ADCK1: variants seen among roughly 807,000 people sequenced by gnomAD.
ADCK1 encodes aarF domain-containing protein kinase 1.
Under a neutral mutation model 52.3 loss-of-function variants are expected in ADCK1, and 41 were observed. The ratio of observed to expected loss-of-function variants is 0.78; its 90% confidence interval spans 0.61 to 1.02. The LOEUF is 1.02. Ranked by LOEUF, ADCK1 falls within the 50% of genes least tolerant of loss-of-function variation. The pLI is 0.00. For synonymous variants in ADCK1, 250 were observed against 274.6 expected, an observed-to-expected ratio of 0.91 and a Z score of 0.89; for missense variants, 658 against 679.5, an observed-to-expected ratio of 0.97 and a Z score of 0.35.
At chr14:77,916,627 G>A (rs1595083890) in intron 7 of ADCK1, among the ~76,000 whole-genome samples, 1 of 152,110 alleles carries the variant, frequency 6.6e-6, no homozygotes, top group Non-Finnish European at 1.5e-5. Flanking sequence ...GATAATTTTT[G>A]TATTTCTTAT....
chr14:77,858,213 A>G (rs1178853366), intron 3 of ADCK1, among the ~76,000 whole-genome samples: 1 of 151,930 alleles, frequency 6.6e-6, no homozygotes, highest in Non-Finnish European at 1.5e-5. Context: ...TGTTTTCTAG[A>G]CCTTCCTTTG....
intron 1 of ADCK1, among the ~76,000 whole-genome samples, chr14:77,804,497 C>T (rs1028188513): frequency 6.6e-6 from 1 of 152,036 alleles, no homozygotes; most frequent in Non-Finnish European, 1.5e-5. Flanking sequence ...TTCGCTGTTA[C>T]TTCCCACCCA....
chr14:77,911,309 A>G (rs2083785945), intron 7 of ADCK1, among the ~76,000 whole-genome samples: 1 of 152,152 alleles, frequency 6.6e-6, no homozygotes, highest in Non-Finnish European at 1.5e-5. Context: ...CCTGCCAGGG[A>G]TCTATAGGTT....
chr14:77,833,936 G>A (rs2081909232), intron 3 of ADCK1, among the ~76,000 whole-genome samples: 1 of 152,132 alleles, frequency 6.6e-6, no homozygotes, highest in African/African-American at 2.4e-5. Context: ...TTTAAAAAAT[G>A]TGTAATATTT....
intron 3 of ADCK1, among the ~76,000 whole-genome samples, chr14:77,832,481 C>G (rs1436332450): frequency 6.6e-6 from 1 of 152,248 alleles, no homozygotes; most frequent in Non-Finnish European, 1.5e-5. Context: ...CTCTTGCCAA[C>G]TGGCTGCTGC....
At chr14:77,881,479 G>T (rs2083023291) in intron 4 of ADCK1, among the ~76,000 whole-genome samples, 1 of 152,196 alleles carries the variant, frequency 6.6e-6, no homozygotes, top group South Asian at 2.1e-4. Context: ...CAAGGGAGGG[G>T]AATAGGTGCC....
intron 3 of ADCK1, among the ~76,000 whole-genome samples, chr14:77,834,617 G>C (rs145375893): frequency 6.6e-6 from 1 of 152,324 alleles, no homozygotes; most frequent in East Asian, 1.9e-4. Flanking sequence ...AACCCCCTGG[G>C]TTTTTGGTGG....
intron 5 of ADCK1, among the ~76,000 whole-genome samples, chr14:77,897,897 G>A (rs1425308099): frequency 1.3e-5 from 2 of 152,150 alleles, no homozygotes; most frequent in East Asian, 1.9e-4. Flanking sequence ...CTGTAGAGTT[G>A]GCTGTGGAAT....
intron 9 of ADCK1, among the ~76,000 whole-genome samples, chr14:77,929,168 T>C (rs2084265205): frequency 6.6e-6 from 1 of 152,188 alleles, no homozygotes; most frequent in Non-Finnish European, 1.5e-5. Flanking sequence ...TGAGCCCTGC[T>C]CTCATTGAGG....
intron 3 of ADCK1, among the ~76,000 whole-genome samples, chr14:77,830,075 C>T (rs905921298): frequency 1.3e-5 from 2 of 151,240 alleles, no homozygotes; most frequent in Admixed American, 1.3e-4. Flanking sequence ...ATGGAAAATT[C>T]TCCAGTAAAG....
chr14:77,818,831 C>A, intron 1 of ADCK1, 137 bp from the exon 2 acceptor site: 2 of 1,005,854 alleles, frequency 2.0e-6, no homozygotes, highest in Non-Finnish European at 1.4e-6. Context: ...GTTTTACAAA[C>A]GAAGAAACTA....
intron 10 of ADCK1, 141 bp downstream of exon 10, chr14:77,931,852 T>G: frequency 1.1e-6 from 1 of 944,626 alleles, no homozygotes; most frequent in Non-Finnish European, 1.5e-6. Flanking sequence ...GCAGGCAAAG[T>G]TAAAGTTTGA....
At chr14:77,802,211 T>C (rs1227318700) in intron 1 of ADCK1, among the ~76,000 whole-genome samples, 1 of 152,060 alleles carries the variant, frequency 6.6e-6, no homozygotes, top group Non-Finnish European at 1.5e-5. Flanking sequence ...GAAGCTCTAA[T>C]AGCATGCACC....
intron 9 of ADCK1, among the ~76,000 whole-genome samples, chr14:77,929,144 A>G (rs913915292): frequency 1.3e-5 from 2 of 152,240 alleles, no homozygotes; most frequent in African/African-American, 4.8e-5. Flanking sequence ...AGGGATCCAC[A>G]GGCTCAGTCT....
Position 77,934,992 on chromosome 14 carries a change from A to G in ADCK1, c.*1601A>G, listed in dbSNP as rs1328466889. ...GTGTCTTTTATAGCCACTGAAGTAA[A>G]TATAAATGTCCTTTCTGTTCAAGGT... On this transcript the variant is annotated 3_prime_UTR_variant, in exon 11 of 11. Coordinates refer to ENST00000238561, the MANE Select transcript of ADCK1 (RefSeq NM_020421.4). 1 of 152,206 alleles carries G rather than the reference A, an allele frequency of 6.6e-6. No individual in the cohort carries two copies. The highest frequency in any genetic ancestry group is 1.5e-5 in the Non-Finnish European group (1 of 68,040). 9.4% of individuals were successfully genotyped at this position (152,206 alleles called of 1,614,324 possible).
chr14:77,839,595 C>G (rs1027215048), intron 3 of ADCK1, among the ~76,000 whole-genome samples: 3 of 152,110 alleles, frequency 2.0e-5, no homozygotes, highest in African/African-American at 7.2e-5. Context: ...CAGGCCTCCC[C>G]TTCCCGGTGC....
At chr14:77,916,949 A>G (rs898418196) in intron 7 of ADCK1, among the ~76,000 whole-genome samples, 6 of 152,206 alleles carry the variant, frequency 3.9e-5, no homozygotes, top group Non-Finnish European at 8.8e-5. Flanking sequence ...GGCCAGCACT[A>G]GTGGCTCATA....
chr14:77,915,339 C>A (rs369475416), intron 7 of ADCK1, among the ~76,000 whole-genome samples: 2 of 148,672 alleles, frequency 1.3e-5, no homozygotes, highest in Admixed American at 6.7e-5. Context: ...CCCCCTCCCC[C>A]CTACCCCCAG....
intron 8 of ADCK1, 36 bp downstream of exon 8, chr14:77,924,642 C>G: frequency 6.2e-7 from 1 of 1,607,786 alleles, no homozygotes; most frequent in Non-Finnish European, 8.5e-7. Flanking sequence ...CCTGGGGCCT[C>G]TGGGGTTAGA....
Sources: gnomAD v4.1 joint callset for allele counts (sites outside exome capture counted in the v4.1 genomes callset) on GRCh38, gnomAD v4.1.1 for gene constraint, MANE v1.5 for transcripts, NCBI Gene and HGNC (gene_info 2026-07-23, HGNC 2026-07-21) for gene names.